Variants in CEP41 observed in about 807,000 individuals in gnomAD.
The protein encoded by CEP41 is centrosomal protein of 41 kDa.
In CEP41, 32 loss-of-function variants were observed where a neutral mutation model predicts 44.3. The ratio of observed to expected loss-of-function variants is 0.72; its 90% CI spans 0.54 to 0.97. The LOEUF (loss-of-function observed/expected upper bound fraction) is 0.97, where lower values mean the gene tolerates loss of function less well. Ranked by LOEUF, CEP41 falls within the 50% of genes least tolerant of loss-of-function variation. The pLI is 0.00. For missense variants in CEP41, 432 were observed against 455.2 expected (o/e 0.95, Z 0.46); for synonymous variants, 151 against 168.5 (o/e 0.90, Z 0.80).
Position 130,411,109 on chromosome 7 carries a change from C to A in CEP41, c.277+13G>T. 6.2e-7 allele frequency: 1 copy of A among 1,612,882 alleles called. No individual in the cohort carries two copies. Among genetic ancestry groups the A allele is most frequent in the Non-Finnish European group, 8.5e-7 (1 of 1,178,856 alleles). ...CAGCCTGTTATTTTCCCCACACCCTCAATTCTCATTACCTTCCAGCCTTTG... is the reference window on the plus strand; with the variant it reads ...CAGCCTGTTATTTTCCCCACACCCTAAATTCTCATTACCTTCCAGCCTTTG... On this transcript the variant is annotated intron_variant, in intron 5 of 10. Transcript: ENST00000223208.
rs1554414121 is a variant in CEP41 at position 130,395,499 on chromosome 7, G to A, written c.*3392C>T. Reference sequence around the variant, plus strand: ...ATTATCTTCAGAGTAGAGCAAGAAGGTGGTCATGGATTTAAATCCAGGTGG... The same window carrying A: ...ATTATCTTCAGAGTAGAGCAAGAAGATGGTCATGGATTTAAATCCAGGTGG... On this transcript the variant is annotated 3_prime_UTR_variant, in exon 11 of 11. Transcript: ENST00000223208. 1 of 454,100 alleles carries A rather than the reference G, an allele frequency of 2.2e-6. No homozygotes were observed. The highest frequency in any genetic ancestry group is 4.4e-6 in the Non-Finnish European group (1 of 226,790). 28.1% of individuals were successfully genotyped at this position (454,100 alleles called of 1,614,324 possible). A position where few individuals can be genotyped will look rare whatever the true frequency, so the allele number is the denominator to read the frequency against.
rs1554416656 is a variant in CEP41 at position 130,400,709 on chromosome 7, C to T, written c.755G>A (p.Gly252Glu). 1 of 1,602,202 alleles carries T rather than the reference C, an allele frequency of 6.2e-7. No homozygotes were observed. Among genetic ancestry groups the T allele is most frequent in the Admixed American group, 1.7e-5 (1 of 59,808 alleles). ...AAGCAGAGTATCACCTTGCTCACCTCCGGAAAGCATGAAGAGGTTTTCAAA... is the reference window on the plus strand; with the variant it reads ...AAGCAGAGTATCACCTTGCTCACCTTCGGAAAGCATGAAGAGGTTTTCAAA... ...RGFENLFMLSGGLKVLAQKFP... is the reference protein window; with the variant it reads ...RGFENLFMLSEGLKVLAQKFP... Residue 252 changes from glycine (G) to glutamate (E), a missense_variant and splice_region_variant, in exon 9 of 11, where the codon GGA becomes GAA. Gly to Glu is a moderately conservative substitution (Grantham distance 98). Transcript: ENST00000223208.
intron 5 of CEP41, chr7:130,410,845 GAATGCTAAA>G: frequency 4.0e-6 from 2 of 494,368 alleles, no homozygotes; most frequent in South Asian, 4.2e-5. Context: ...TAGGTACAAA[GAATGCTAAA>G]AATATTTGTT....
Position 130,440,555 on chromosome 7 carries a change from ACAAT to A in CEP41, c.33+375_33+378del, listed in dbSNP as rs1798116938. ...TTACTCCTGCTCTTCCTGTATCCCC[ACAAT>A]CAGAGATGCTGGCTGGCTTTCAACA... On this transcript the variant is annotated intron_variant, in intron 1 of 10. Transcript: ENST00000223208. 3 of 435,594 alleles carry A rather than the reference ACAAT, an allele frequency of 6.9e-6. No homozygotes were observed. In the Middle Eastern group the frequency reaches 2.0e-3, roughly 287 times the overall value. The allele number at this position is 435,594 out of a possible 1,614,324, so 27.0% of individuals were successfully genotyped here. A position where few individuals can be genotyped will look rare whatever the true frequency, so the allele number is the denominator to read the frequency against.
chr7:130,419,176 C>T (rs1408896427), intron 2 of CEP41: 3 of 985,370 alleles, frequency 3.0e-6, no homozygotes, highest in Non-Finnish European at 3.6e-6. Flanking sequence ...AAGTTTTTTG[C>T]AATTATACAA....
intron 1 of CEP41, among the ~76,000 whole-genome samples, chr7:130,435,542 C>T (rs1394072873): frequency 2.6e-5 from 4 of 152,172 alleles, no homozygotes; most frequent in African/African-American, 4.8e-5. Context: ...AATGAGATGG[C>T]ACTACACATC....
Position 130,397,850 on chromosome 7 carries a change from C to A in CEP41, c.*1041G>T, listed in dbSNP as rs1411485490. ...AACCAGAATCTATAATCACAACTTCCTAATCACAGTTCAGTCATGAGAATG... is the reference window on the plus strand; with the variant it reads ...AACCAGAATCTATAATCACAACTTCATAATCACAGTTCAGTCATGAGAATG... On this transcript the variant is annotated 3_prime_UTR_variant, in exon 11 of 11. Transcript: ENST00000223208. The A allele has an allele frequency of 2.2e-6, 1 of 449,732 alleles. No individual in the cohort carries two copies. The highest frequency in any genetic ancestry group is 4.5e-6 in the Non-Finnish European group (1 of 222,836). The allele number at this position is 449,732 out of a possible 1,614,324, so 27.9% of individuals were successfully genotyped here. A position where few individuals can be genotyped will look rare whatever the true frequency, so the allele number is the denominator to read the frequency against.
chr7:130,429,981 A>T (rs1240408849), intron 1 of CEP41, among the ~76,000 whole-genome samples: 1 of 152,260 alleles, frequency 6.6e-6, no homozygotes, highest in Non-Finnish European at 1.5e-5. Flanking sequence ...AGAAGAGAAC[A>T]TCGGACTTAT....
Position 130,401,939 on chromosome 7 carries a change from T to TA in CEP41, c.583dup (p.Tyr195LeufsTer8). ...TGTTCTAGACAGAGTTGCAATTGGG[T>TA]AACTGTAAGCTGCAAAGAGAAGAAA... On this transcript the variant is annotated frameshift_variant, in exon 8 of 11. Coordinates refer to ENST00000223208, the MANE Select transcript of CEP41 (RefSeq NM_018718.3). LOFTEE classifies it high-confidence loss of function. The TA allele has an allele frequency of 6.2e-7, 1 of 1,609,272 alleles. No homozygotes were observed. The highest frequency in any genetic ancestry group is 8.5e-7 in the Non-Finnish European group (1 of 1,175,670).
chr7:130,405,415 A>G (rs1256694515), intron 5 of CEP41, among the ~76,000 whole-genome samples: 2 of 152,204 alleles, frequency 1.3e-5, no homozygotes, highest in Non-Finnish European at 2.9e-5. Flanking sequence ...CCTGTTTGTT[A>G]TTTCAGGGAA....
At chr7:130,401,142 T>C (rs1272820629) in intron 8 of CEP41, 3 of 337,308 alleles carry the variant, frequency 8.9e-6, no homozygotes, top group South Asian at 2.7e-5. Flanking sequence ...GATGAAGAAA[T>C]AGAACAACTT....
At position 130,396,586 on chromosome 7, in the gene CEP41, T is replaced by A. The variant is rs1240769762; in HGVS notation, c.*2305A>T. On this transcript the variant is annotated 3_prime_UTR_variant, in exon 11 of 11. Transcript: ENST00000223208. The stretch of plus-strand genomic sequence containing the variant: ...CATTCATAATTGCACAAAGCATCAC[T>A]GGTCATTTAAATAATACATGTCAAT... The A allele has an allele frequency of 2.2e-6, 1 of 454,538 alleles. No homozygotes were observed. The highest frequency in any genetic ancestry group is 6.9e-5 in the East Asian group (1 of 14,398). The allele number at this position is 454,538 out of a possible 1,614,324, so 28.2% of individuals were successfully genotyped here. A position where few individuals can be genotyped will look rare whatever the true frequency, so the allele number is the denominator to read the frequency against.
rs116150126 is a variant in CEP41 at position 130,402,934 on chromosome 7, C to T, written c.423-135G>A. ...CGCTTCAAAGGCAAAGGAAAATGGA[C>T]GTGGTGTCTCAGTTCTGCCTCTGAA... On this transcript the variant is annotated intron_variant, in intron 6 of 10. Coordinates refer to ENST00000223208, the MANE Select transcript of CEP41 (RefSeq NM_018718.3). The T allele has an allele frequency of 2.6e-3, 2,400 of 905,802 alleles. 23 individuals are homozygous for T. The highest frequency in any genetic ancestry group is 0.023 in the East Asian group (969 of 41,406). 56.1% of individuals were successfully genotyped at this position (905,802 alleles called of 1,614,324 possible).
intron 3 of CEP41, among the ~76,000 whole-genome samples, chr7:130,414,389 C>G (rs1298483505): frequency 6.6e-6 from 1 of 152,166 alleles, no homozygotes; most frequent in Non-Finnish European, 1.5e-5. Flanking sequence ...AACTTGCCCA[C>G]CAAAAGTCGT....
chr7:130,395,712 TTC>T lies in CEP41; in HGVS notation c.*3177_*3178del, dbSNP rs1322231375. 4.4e-6 allele frequency: 2 copies of T among 453,726 alleles called. No individual in the cohort carries two copies. Among genetic ancestry groups the T allele is most frequent in the Non-Finnish European group, 8.8e-6 (2 of 226,750 alleles). The allele number at this position is 453,726 out of a possible 1,614,324, so 28.1% of individuals were successfully genotyped here. On this transcript the variant is annotated 3_prime_UTR_variant, in exon 11 of 11. Transcript: ENST00000223208. Reference sequence around the variant, plus strand: ...AGAGAAAACACGATTTTTTGTTTTGTTCTGTTTTCTTGGTCGAGTAGCCTAAA... The same window carrying T: ...AGAGAAAACACGATTTTTTGTTTTGTTGTTTTCTTGGTCGAGTAGCCTAAA...
rs1351990959 is a variant in CEP41 at position 130,394,607 on chromosome 7, A to C, written c.*4284T>G. On this transcript the variant is annotated 3_prime_UTR_variant, in exon 11 of 11. Coordinates refer to ENST00000223208, the MANE Select transcript of CEP41 (RefSeq NM_018718.3). ...CTGTAGAGGGAGATCTAAAAACCTC[A>C]GGGTTTTGAATGCCTCGCCCACAAA... The C allele has an allele frequency of 2.2e-6, 1 of 453,588 alleles. No individual in the cohort carries two copies. Among genetic ancestry groups the C allele is most frequent in the Non-Finnish European group, 4.4e-6 (1 of 226,514 alleles). 28.1% of individuals were successfully genotyped at this position (453,588 alleles called of 1,614,324 possible).
Position 130,397,733 on chromosome 7 carries a change from T to A in CEP41, c.*1158A>T, listed in dbSNP as rs1462060719. ...TTCCATCTGATTTCAGAGTTCCTCATCCTTACCTGAGGCCTTTTGTTCCCC... is the reference window on the plus strand; with the variant it reads ...TTCCATCTGATTTCAGAGTTCCTCAACCTTACCTGAGGCCTTTTGTTCCCC... On this transcript the variant is annotated 3_prime_UTR_variant, in exon 11 of 11. Coordinates refer to ENST00000223208, the MANE Select transcript of CEP41 (RefSeq NM_018718.3). 4.4e-6 allele frequency: 2 copies of A among 453,710 alleles called. No individual in the cohort carries two copies. Among genetic ancestry groups the A allele is most frequent in the African/African-American group, 4.0e-5 (2 of 49,924 alleles). The allele number at this position is 453,710 out of a possible 1,614,324, so 28.1% of individuals were successfully genotyped here. A position where few individuals can be genotyped will look rare whatever the true frequency, so the allele number is the denominator to read the frequency against.
In CEP41 at chr7:130,430,424, C is replaced by T. The variant is rs558794814; in HGVS notation, c.34-2406G>A. Among the ~76,000 whole-genome samples, 6 of 152,274 alleles carry T rather than the reference C, an allele frequency of 3.9e-5. No homozygotes were observed. In the South Asian group the frequency reaches 1.2e-3, roughly 32 times the overall value. ...ATCGGTCCTCAGATTGTGTTTGGAA[C>T]CACTGAGCTATTTTATCCTTAGAAA... On this transcript the variant is annotated intron_variant, in intron 1 of 10. Transcript: ENST00000223208.
In CEP41 at chr7:130,395,315, ATAAT is replaced by A. The variant is rs1199833829; in HGVS notation, c.*3572_*3575del. ...GCATGTAAGTACTCAACATGCTCAC[ATAAT>A]TAAACTGGTGAATTATATTCCACAC... On this transcript the variant is annotated 3_prime_UTR_variant, in exon 11 of 11. Transcript: ENST00000223208. The A allele has an allele frequency of 2.2e-6, 1 of 454,028 alleles. No homozygotes were observed. Among genetic ancestry groups the A allele is most frequent in the Non-Finnish European group, 4.4e-6 (1 of 226,788 alleles). The allele number at this position is 454,028 out of a possible 1,614,324, so 28.1% of individuals were successfully genotyped here.
Sources: gnomAD v4.1 joint callset for allele counts (sites outside exome capture counted in the v4.1 genomes callset) on GRCh38, gnomAD v4.1.1 for gene constraint, MANE v1.5 for transcripts, NCBI Gene and HGNC (gene_info 2026-07-23, HGNC 2026-07-21) for gene names.